L3MBTL4: variants seen among roughly 807,000 people sequenced by gnomAD.
L3MBTL4 encodes lethal(3)malignant brain tumor-like protein 4.
In L3MBTL4, 70 loss-of-function variants were observed where a neutral mutation model predicts 84.5. The ratio of observed to expected loss-of-function variants is 0.83; its 90% CI spans 0.68 to 1.01. The LOEUF is 1.01. Ranked by LOEUF, L3MBTL4 falls within the 50% of genes least tolerant of loss-of-function variation. The probability of loss-of-function intolerance (pLI) is 0.00; values close to 1 mark genes in which losing one functional copy is unlikely to be tolerated. For synonymous variants in L3MBTL4, 274 were observed against 259.8 expected, an observed-to-expected ratio of 1.05 and a Z score of -0.52; for missense variants, 715 against 754.8, an observed-to-expected ratio of 0.95 and a Z score of 0.62.
intron 4 of L3MBTL4, among the ~76,000 whole-genome samples, chr18:6,285,878 C>T (rs2049554889): frequency 6.6e-6 from 1 of 150,772 alleles, no homozygotes; most frequent in African/African-American, 2.4e-5. Flanking sequence ...TGTCACCAGG[C>T]TGGAGTGCAG....
intron 15 of L3MBTL4, among the ~76,000 whole-genome samples, chr18:6,088,171 G>A (rs2058321557): frequency 6.6e-6 from 1 of 152,220 alleles, no homozygotes; most frequent in Non-Finnish European, 1.5e-5. Context: ...AAAGGAGAGA[G>A]GGATGCTGAG....
Position 6,238,377 on chromosome 18 carries a change from C to CA in L3MBTL4, c.708-338dup, listed in dbSNP as rs1003624846. ...TGAAACCCCGTCTCCACTAAAAATA[C>CA]AAAAAATTAGCCAGGTGTGGTGGCG... is the stretch of plus-strand genomic sequence containing the variant. On this transcript the variant is annotated intron_variant, in intron 9 of 18. Coordinates refer to ENST00000317931, the MANE Select transcript of L3MBTL4 (RefSeq NM_001330559.2). Among the ~76,000 whole-genome samples the CA allele has an allele frequency of 2.9e-4, 44 of 152,146 alleles. 1 individual carries two copies. The highest frequency in any genetic ancestry group is 1.2e-3 in the South Asian group (6 of 4,808).
chr18:6,063,188 A>G (rs1210022991), intron 16 of L3MBTL4, among the ~76,000 whole-genome samples: 1 of 151,736 alleles, frequency 6.6e-6, no homozygotes, highest in Non-Finnish European at 1.5e-5. Flanking sequence ...TTTATGGCTG[A>G]GTAGTATTCC....
chr18:6,090,593 TAC>T (rs71163260), intron 15 of L3MBTL4, among the ~76,000 whole-genome samples: 1,121 of 86,538 alleles, frequency 0.013, 8 homozygotes, highest in South Asian at 0.031. Flanking sequence ...ATTATATATA[TAC>T]ACACACACAC....
intron 16 of L3MBTL4, among the ~76,000 whole-genome samples, chr18:5,980,948 G>A (rs1043179148): frequency 3.3e-5 from 5 of 152,208 alleles, no homozygotes; most frequent in African/African-American, 9.6e-5. Flanking sequence ...CTAGTGAGGC[G>A]GAGGATGGCA....
chr18:6,163,263 GGGGGGGT>G (rs1568231079), intron 13 of L3MBTL4, among the ~76,000 whole-genome samples: 12 of 105,610 alleles, frequency 1.1e-4, no homozygotes, highest in African/African-American at 4.3e-4. Flanking sequence ...TGTGTGTGGG[GGGGGGGT>G]GGGTGTGTGT....
At chr18:6,291,113 C>T (rs4100663) in intron 4 of L3MBTL4, among the ~76,000 whole-genome samples, 28,745 of 152,074 alleles carry the variant, frequency 0.19, 2,859 homozygotes, top group African/African-American at 0.24. Context: ...TCTCAAGATA[C>T]GGGAACAAGG....
At chr18:6,226,162 T>C (rs1301826402) in intron 10 of L3MBTL4, among the ~76,000 whole-genome samples, 1 of 152,144 alleles carries the variant, frequency 6.6e-6, no homozygotes, top group Non-Finnish European at 1.5e-5. Context: ...ATCCCAACAC[T>C]TTCGGAGGCA....
In L3MBTL4 at chr18:6,071,785, GAAA is replaced by G. The variant is rs1568066895; in HGVS notation, c.1444+9093_1444+9095del. Among the ~76,000 whole-genome samples, 9 of 125,854 alleles carry G rather than the reference GAAA, an allele frequency of 7.2e-5. 1 individual carries two copies. The highest frequency in any genetic ancestry group is 2.7e-4 in the African/African-American group (9 of 33,334). 82.6% of individuals were successfully genotyped at this position (125,854 alleles called of 152,430 possible). A position where few individuals can be genotyped will look rare whatever the true frequency, so the allele number is the denominator to read the frequency against. ...AAAAAGAAAGAAAGAAAGAAAGAAA[GAAA>G]GAAAGAAAGAAAGAAAAAGAAAGAA... On this transcript the variant is annotated intron_variant, in intron 16 of 18. Coordinates refer to ENST00000317931, the MANE Select transcript of L3MBTL4 (RefSeq NM_001330559.2).
chr18:6,140,540 G>C (rs949192363), intron 13 of L3MBTL4, among the ~76,000 whole-genome samples: 6 of 152,066 alleles, frequency 3.9e-5, no homozygotes, highest in Non-Finnish European at 8.8e-5. Flanking sequence ...GGAGCCCATG[G>C]ACAGAGCAGA....
At chr18:5,975,012 T>G (rs2052841778) in intron 16 of L3MBTL4, among the ~76,000 whole-genome samples, 1 of 152,080 alleles carries the variant, frequency 6.6e-6, no homozygotes, top group Non-Finnish European at 1.5e-5. Context: ...TTTTAGAAAC[T>G]AAAGGATTTA....
intron 1 of L3MBTL4, among the ~76,000 whole-genome samples, chr18:6,383,996 C>G (rs984816555): frequency 6.6e-6 from 1 of 152,206 alleles, no homozygotes; most frequent in African/African-American, 2.4e-5. Context: ...CTAGACCCCA[C>G]TCCAAACCTA....
intron 1 of L3MBTL4, among the ~76,000 whole-genome samples, chr18:6,404,229 C>T (rs1035541984): frequency 6.6e-6 from 1 of 152,092 alleles, no homozygotes; most frequent in Admixed American, 6.6e-5. Flanking sequence ...CCACCTGTTC[C>T]CCCGAAAAGC....
intron 14 of L3MBTL4, among the ~76,000 whole-genome samples, chr18:6,112,827 T>C (rs1189210450): frequency 6.6e-6 from 1 of 152,212 alleles, no homozygotes; most frequent in Non-Finnish European, 1.5e-5. Flanking sequence ...TCTTCTCAAT[T>C]TCTCAATGGG....
At chr18:5,961,584 A>C (rs193177604) in intron 17 of L3MBTL4, among the ~76,000 whole-genome samples, 4 of 152,282 alleles carry the variant, frequency 2.6e-5, no homozygotes, top group Admixed American at 2.6e-4. Flanking sequence ...TAAGGATTAA[A>C]ACAAACAAAC....
intron 12 of L3MBTL4, among the ~76,000 whole-genome samples, chr18:6,190,110 A>C (rs2044998784): frequency 6.6e-6 from 1 of 152,240 alleles, no homozygotes. Context: ...CAAAAACAAA[A>C]GATATAGAGA....
At chr18:6,247,236 T>C (rs1237430437) in intron 5 of L3MBTL4, among the ~76,000 whole-genome samples, 1 of 152,124 alleles carries the variant, frequency 6.6e-6, no homozygotes, top group African/African-American at 2.4e-5. Context: ...ATTTATACAA[T>C]ACTTTTTCTA....
chr18:6,132,650 C>T (rs2059908508), intron 14 of L3MBTL4, among the ~76,000 whole-genome samples: 1 of 152,144 alleles, frequency 6.6e-6, no homozygotes, highest in African/African-American at 2.4e-5. Context: ...ATTCTGAGGC[C>T]AACCTTTAAA....
At chr18:6,001,862 G>A (rs181969754) in intron 16 of L3MBTL4, among the ~76,000 whole-genome samples, 10 of 152,260 alleles carry the variant, frequency 6.6e-5, no homozygotes, top group Admixed American at 6.5e-4. Flanking sequence ...GGAGCAAAGA[G>A]CACAGAGACA....
Sources: allele counts gnomAD v4.1 joint callset (sites outside exome capture counted in the v4.1 genomes callset), GRCh38; gene constraint gnomAD v4.1.1; transcripts MANE v1.5; gene names NCBI Gene and HGNC (gene_info 2026-07-23, HGNC 2026-07-21).